ATE1: variants seen among roughly 807,000 people sequenced by gnomAD.
The protein encoded by ATE1 is arginyl-tRNA--protein transferase 1.
ATE1 carries 36 observed loss-of-function variants against 70.5 expected under a neutral mutation model. The ratio of observed to expected loss-of-function variants is 0.51; its 90% CI spans 0.39 to 0.67. ATE1 has a LOEUF of 0.67. ATE1 is among the 30% of genes least tolerant of loss of function. The pLI is 0.00. For synonymous variants in ATE1, 232 were observed against 219.3 expected, an observed-to-expected ratio of 1.06 and a Z score of -0.51; for missense variants, 593 against 629.5, an observed-to-expected ratio of 0.94 and a Z score of 0.62.
At chr10:121,918,884 G>C (rs1317370584) in intron 3 of ATE1, among the ~76,000 whole-genome samples, 4 of 152,100 alleles carry the variant, frequency 2.6e-5, no homozygotes, top group Non-Finnish European at 5.9e-5. Flanking sequence ...CTGTAGCTAG[G>C]ATTGTAAAAC....
intron 3 of ATE1, among the ~76,000 whole-genome samples, chr10:121,917,857 A>T (rs1951722054): frequency 6.6e-6 from 1 of 152,196 alleles, no homozygotes; most frequent in Non-Finnish European, 1.5e-5. Flanking sequence ...TAAAAAACTT[A>T]AAAAATCATA....
chr10:121,745,706 G>T (rs1037369373), intron 11 of ATE1, among the ~76,000 whole-genome samples: 2 of 149,050 alleles, frequency 1.3e-5, no homozygotes, highest in South Asian at 2.2e-4. Context: ...CAGCCTGGGC[G>T]ACAGAGCAAG....
intron 11 of ATE1, among the ~76,000 whole-genome samples, chr10:121,755,894 C>A (rs1253100240): frequency 6.6e-6 from 1 of 152,178 alleles, no homozygotes. Context: ...CCGCCTCTGG[C>A]TTCTCCCAAA....
At chr10:121,743,887 A>C (rs1269933993) in intron 11 of ATE1, 29 bp from the exon 12 acceptor site, 1 of 1,557,606 alleles carries the variant, frequency 6.4e-7, no homozygotes, top group South Asian at 1.2e-5. Flanking sequence ...CTGATTTGTA[A>C]AATGTCACAT....
At chr10:121,794,075 T>A (rs1946558778) in intron 10 of ATE1, among the ~76,000 whole-genome samples, 1 of 152,214 alleles carries the variant, frequency 6.6e-6, no homozygotes. Flanking sequence ...AATCTTCATT[T>A]CCCCTGCTAA....
In ATE1 at chr10:121,833,628, G is replaced by A. The variant is rs559568235; in HGVS notation, c.1257+3090C>T. 5.3e-5 allele frequency among the ~76,000 whole-genome samples: 8 copies of A among 151,968 alleles called. No individual in the cohort carries two copies. In the East Asian group the frequency reaches 1.6e-3, roughly 30 times the overall value. ...TGGGGAATTTGCAAGCTTGGGGGAG[G>A]GGCAAAGGGAAGGGGAAAAAAAACG... On this transcript the variant is annotated intron_variant, in intron 10 of 11. Coordinates refer to ENST00000224652, the MANE Select transcript of ATE1 (RefSeq NM_001001976.3).
chr10:121,862,469 A>T (rs1230132245), intron 8 of ATE1, among the ~76,000 whole-genome samples: 2 of 150,064 alleles, frequency 1.3e-5, no homozygotes, highest in African/African-American at 4.9e-5. Flanking sequence ...TGATCCTCCT[A>T]CCTCAGCCTC....
chr10:121,755,339 G>T (rs747369499), intron 11 of ATE1, among the ~76,000 whole-genome samples: 1 of 152,172 alleles, frequency 6.6e-6, no homozygotes, highest in Non-Finnish European at 1.5e-5. Context: ...AAGGACAGTG[G>T]TGCAATATAT....
chr10:121,878,663 C>T (rs915532022), intron 7 of ATE1, among the ~76,000 whole-genome samples: 1 of 151,380 alleles, frequency 6.6e-6, no homozygotes, highest in Non-Finnish European at 1.5e-5. Flanking sequence ...CTTTACTACA[C>T]TATAAACTTA....
intron 10 of ATE1, among the ~76,000 whole-genome samples, chr10:121,827,266 C>G (rs779360610): frequency 3.3e-5 from 5 of 152,126 alleles, no homozygotes; most frequent in African/African-American, 9.7e-5. Flanking sequence ...CCTGCCTCAG[C>G]CTCCCAAAGT....
intron 3 of ATE1, among the ~76,000 whole-genome samples, chr10:121,917,948 A>T (rs759040484): frequency 3.9e-5 from 6 of 152,246 alleles, no homozygotes; most frequent in Non-Finnish European, 8.8e-5. Context: ...GTTAGCTATA[A>T]GCCCCTTTCC....
chr10:121,790,400 G>GA, intron 10 of ATE1, 111 bp from the exon 11 acceptor site: 1 of 1,369,726 alleles, frequency 7.3e-7, no homozygotes, highest in Non-Finnish European at 9.7e-7. Flanking sequence ...AAGTCAACCA[G>GA]AAACTGTTTT....
At chr10:121,889,054 T>C (rs563910523) in intron 7 of ATE1, among the ~76,000 whole-genome samples, 25 of 152,204 alleles carry the variant, frequency 1.6e-4, no homozygotes, top group African/African-American at 5.8e-4. Context: ...TCATTCTGCA[T>C]CCAGTCTGGA....
chr10:121,902,579 T>C lies in ATE1; in HGVS notation c.625A>G (p.Lys209Glu), dbSNP rs1490813893. Residue 209 changes from lysine to glutamate, a missense_variant, in exon 6 of 12, where the codon AAG becomes GAG. Physicochemically the swap from Lys to Glu is moderately conservative, Grantham distance 56. Around this residue, in one of 3 missense-constraint regions of ATE1, gnomAD observed 467 missense variants for 469.6 expected, o/e 0.99. Coordinates refer to ENST00000224652, the MANE Select transcript of ATE1 (RefSeq NM_001001976.3). ...DLSKPPCRKA[K>E]EIRKERKRLK... is the part of the protein sequence containing the mutation. Reference sequence around the variant, plus strand: ...CTTTTCCTTTCTTTCCGGATTTCCTTTGCTTTTCGACATGGAGGCTTACTC... The same window carrying C: ...CTTTTCCTTTCTTTCCGGATTTCCTCTGCTTTTCGACATGGAGGCTTACTC... 6.2e-7 allele frequency: 1 copy of C among 1,613,734 alleles called. No homozygotes were observed. The highest frequency in any genetic ancestry group is 1.3e-5 in the African/African-American group (1 of 74,930).
intron 10 of ATE1, among the ~76,000 whole-genome samples, chr10:121,815,726 G>A (rs1947514404): frequency 6.6e-6 from 1 of 152,162 alleles, no homozygotes; most frequent in African/African-American, 2.4e-5. Context: ...TTATTTGAAA[G>A]CAAGAGTCAG....
At chr10:121,857,763 A>G (rs1949300857) in intron 8 of ATE1, among the ~76,000 whole-genome samples, 1 of 152,162 alleles carries the variant, frequency 6.6e-6, no homozygotes, top group Admixed American at 6.5e-5. Context: ...TCACATTATC[A>G]TGTAACTACC....
intron 11 of ATE1, among the ~76,000 whole-genome samples, chr10:121,785,330 T>C (rs1345379090): frequency 6.6e-6 from 1 of 152,214 alleles, no homozygotes; most frequent in African/African-American, 2.4e-5. Context: ...GCTTTCTCAC[T>C]AGGCATTGTT....
intron 3 of ATE1, among the ~76,000 whole-genome samples, chr10:121,920,225 C>T (rs1951824526): frequency 6.6e-6 from 1 of 152,068 alleles, no homozygotes; most frequent in African/African-American, 2.4e-5. Flanking sequence ...GTAGCTCACA[C>T]CTATAATCCC....
intron 3 of ATE1, among the ~76,000 whole-genome samples, chr10:121,914,286 C>G (rs1173440395): frequency 6.6e-6 from 1 of 152,026 alleles, no homozygotes; most frequent in Non-Finnish European, 1.5e-5. Context: ...AGGCTGGTCT[C>G]AAACTCCTGA....
Sources: gnomAD v4.1 joint callset for allele counts (sites outside exome capture counted in the v4.1 genomes callset) on GRCh38, gnomAD v4.1.1 for gene constraint, gnomAD v4.1.1 regional missense constraint, MANE v1.5 for transcripts, NCBI Gene and HGNC (gene_info 2026-07-23, HGNC 2026-07-21) for gene names.